The following MTARC2 variants were observed in gnomAD, a reference collection of about 807,000 sequenced individuals.
MTARC2 encodes the protein MOCO sulphurase C-terminal domain containing 2.
A neutral mutation model predicts 35.6 loss-of-function variants in MTARC2; 27 were observed. The ratio of observed to expected loss-of-function variants is 0.76; its 90% confidence interval spans 0.56 to 1.04. The LOEUF (loss-of-function observed/expected upper bound fraction) is 1.04, where lower values mean the gene tolerates loss of function less well. Among genes scored for constraint, MTARC2 ranks in the 50% least tolerant of loss-of-function variants. The probability of loss-of-function intolerance (pLI) is 0.00; values close to 1 mark genes in which losing one functional copy is unlikely to be tolerated. For synonymous variants in MTARC2, 158 were observed against 167.1 expected, an observed-to-expected ratio of 0.95 and a Z score of 0.42; for missense variants, 412 against 432.5, an observed-to-expected ratio of 0.95 and a Z score of 0.42.
At chr1:220,775,089 C>T (rs112331149) in intron 4 of MTARC2, among the ~76,000 whole-genome samples, 3,577 of 152,156 alleles carry the variant, frequency 0.024, 107 homozygotes, top group African/African-American at 0.064. Flanking sequence ...CAAATGCCTA[C>T]ATGGATCTAT....
intron 4 of MTARC2, among the ~76,000 whole-genome samples, chr1:220,776,155 A>G (rs1671905575): frequency 6.6e-6 from 1 of 152,166 alleles, no homozygotes; most frequent in Non-Finnish European, 1.5e-5. Flanking sequence ...CAGTATATAA[A>G]CATTCCCTTT....
rs544800334 is a variant in MTARC2, at chr1:220,758,327, T to G, written c.446+3207T>G. On this transcript the variant is annotated intron_variant, in intron 2 of 7. Coordinates refer to ENST00000366913, the MANE Select transcript of MTARC2 (RefSeq NM_017898.5). ...TCACTGTTAGTGTTTTGAATCAGCT[T>G]TCCCTGTTCACCTTGTGTGGTGTTA... Among the ~76,000 whole-genome samples, 6 of 152,170 alleles carry G rather than the reference T, an allele frequency of 3.9e-5. No individual in the cohort carries two copies. The South Asian group carries it at 1.2e-3, about 31-fold the overall frequency.
At chr1:220,752,209 A>G (rs976088751) in intron 1 of MTARC2, among the ~76,000 whole-genome samples, 6 of 152,268 alleles carry the variant, frequency 3.9e-5, no homozygotes, top group African/African-American at 1.4e-4. Flanking sequence ...TGAATGGGAG[A>G]TGAGAAGATT....
chr1:220,755,134 G>T lies in MTARC2; in HGVS notation c.446+14G>T. ...CCACAACTGCAGGTGTTCCGCTTGG[G>T]GGCATCCACAGAACTGCAACAGGCT... On this transcript the variant is annotated intron_variant, in intron 2 of 7. Transcript: ENST00000366913. 1 of 1,587,688 alleles carries T rather than the reference G, an allele frequency of 6.3e-7. No homozygotes were observed. Among genetic ancestry groups the T allele is most frequent in the South Asian group, 1.2e-5 (1 of 86,352 alleles).
intron 3 of MTARC2, among the ~76,000 whole-genome samples, chr1:220,762,581 A>T (rs1470104126): frequency 6.6e-6 from 1 of 152,206 alleles, no homozygotes; most frequent in Non-Finnish European, 1.5e-5. Flanking sequence ...TTACTGGAGT[A>T]TAGCTGATTG....
At position 220,748,724 on chromosome 1, in the gene MTARC2, G is replaced by A; in HGVS notation, c.193G>A (p.Val65Met). ...GTVAKLWIYP[V>M]KSCKGVPVSE... Reference sequence around the variant, plus strand: ...CGTGGCGAAGCTCTGGATCTACCCGGTGAAATCCTGCAAAGGGGTGCCGGT... The same window carrying A: ...CGTGGCGAAGCTCTGGATCTACCCGATGAAATCCTGCAAAGGGGTGCCGGT... Residue 65 changes from valine (V) to methionine (M), a missense_variant, in exon 1 of 8, where the codon GTG becomes ATG. Val to Met is a conservative substitution (Grantham distance 21). Coordinates refer to ENST00000366913, the MANE Select transcript of MTARC2 (RefSeq NM_017898.5). 5 of 1,599,982 alleles carry A rather than the reference G, an allele frequency of 3.1e-6. No individual in the cohort carries two copies. Among genetic ancestry groups the A allele is most frequent in the Non-Finnish European group, 4.3e-6 (5 of 1,173,554 alleles).
At position 220,755,007 on chromosome 1, in the gene MTARC2, C is replaced by A; in HGVS notation, c.333C>A (p.Leu111=). The A allele has an allele frequency of 1.9e-6, 3 of 1,612,950 alleles. No individual in the cohort carries two copies. The highest frequency in any genetic ancestry group is 2.5e-6 in the Non-Finnish European group (3 of 1,179,494). The change falls in exon 2 of 8, where the codon CTC becomes CTA. Residue 111 remains leucine, a synonymous_variant. Transcript: ENST00000366913. ...HMVTARQEPR[L]VLISIIYENN... is the part of the protein sequence containing the mutation. ...TCACTGCCCGACAGGAGCCTCGCCT[C>A]GTGCTCATCTCCATCATTTATGAGA...
intron 4 of MTARC2, among the ~76,000 whole-genome samples, chr1:220,769,138 A>G (rs1338102574): frequency 6.6e-6 from 1 of 152,226 alleles, no homozygotes; most frequent in Non-Finnish European, 1.5e-5. Context: ...GTCATTTGTA[A>G]TATTTTCCAG....
At chr1:220,751,526 G>C (rs1275549579) in intron 1 of MTARC2, among the ~76,000 whole-genome samples, 2 of 152,260 alleles carry the variant, frequency 1.3e-5, no homozygotes, top group Non-Finnish European at 2.9e-5. Context: ...ATTGTCCAGG[G>C]TGTTATTCCC....
At chr1:220,757,130 G>C (rs150051407) in intron 2 of MTARC2, among the ~76,000 whole-genome samples, 2,036 of 152,354 alleles carry the variant, frequency 0.013, 31 homozygotes, top group East Asian at 0.059. Context: ...TCGAACTCCT[G>C]ACCTCAGGTG....
intron 6 of MTARC2, among the ~76,000 whole-genome samples, chr1:220,780,450 A>T (rs562228807): frequency 7.2e-6 from 1 of 138,450 alleles, no homozygotes; most frequent in South Asian, 2.3e-4. Flanking sequence ...TGCTTTGGAT[A>T]AACTTTTTTT....
At chr1:220,771,611 T>A (rs1671746383) in intron 4 of MTARC2, among the ~76,000 whole-genome samples, 1 of 152,186 alleles carries the variant, frequency 6.6e-6, no homozygotes, top group African/African-American at 2.4e-5. Context: ...AAGAAGCTTT[T>A]CAGATAGTTA....
chr1:220,753,000 A>G lies in MTARC2; in HGVS notation c.273-1947A>G, dbSNP rs58789984. 2.6e-3 allele frequency among the ~76,000 whole-genome samples: 399 copies of G among 150,850 alleles called. 6 individuals carry two copies. In the East Asian group the frequency reaches 0.059, roughly 22 times the overall value. On this transcript the variant is annotated intron_variant, in intron 1 of 7. Coordinates refer to ENST00000366913, the MANE Select transcript of MTARC2 (RefSeq NM_017898.5). ...GAGGCCGAGGTGGGCAGATCATGAG[A>G]TCAGGAGATCGAGACCATCCTGGCT...
At chr1:220,756,532 T>A (rs1671286242) in intron 2 of MTARC2, 1 of 152,252 alleles carries the variant, frequency 6.6e-6, no homozygotes, top group East Asian at 1.9e-4. Context: ...TTGAACCCAC[T>A]TCCCTCCTAA....
chr1:220,772,282 T>C (rs534319681), intron 4 of MTARC2, among the ~76,000 whole-genome samples: 2 of 152,238 alleles, frequency 1.3e-5, no homozygotes, highest in African/African-American at 4.8e-5. Context: ...AGGCTCTCTG[T>C]ATATATTGCC....
At chr1:220,754,808 C>T in intron 1 of MTARC2, 139 bp from the exon 2 acceptor site, 1 of 848,054 alleles carries the variant, frequency 1.2e-6, no homozygotes, top group Non-Finnish European at 1.8e-6. Context: ...TTGGCCAGAC[C>T]TGGATAATTG....
intron 1 of MTARC2, among the ~76,000 whole-genome samples, chr1:220,752,596 C>G (rs1671153071): frequency 6.6e-6 from 1 of 152,202 alleles, no homozygotes. Context: ...AATCTCAGCA[C>G]TTTGGGAGGC....
intron 1 of MTARC2, among the ~76,000 whole-genome samples, chr1:220,753,187 C>T (rs1177257108): frequency 1.3e-5 from 2 of 151,746 alleles, no homozygotes; most frequent in Admixed American, 6.6e-5. Flanking sequence ...GAGATCGTGC[C>T]ACTGCACTCC....
At chr1:220,770,126 C>A (rs1671703851) in intron 4 of MTARC2, among the ~76,000 whole-genome samples, 1 of 151,700 alleles carries the variant, frequency 6.6e-6, no homozygotes, top group Non-Finnish European at 1.5e-5. Context: ...AAAACAAAAC[C>A]AAAAACAAAA....
Sources: gnomAD v4.1 joint callset for allele counts (sites outside exome capture counted in the v4.1 genomes callset) on GRCh38, gnomAD v4.1.1 for gene constraint, MANE v1.5 for transcripts, NCBI Gene and HGNC (gene_info 2026-07-23, HGNC 2026-07-21) for gene names.